TET2: variants seen among roughly 807,000 people sequenced by gnomAD.
TET2 encodes methylcytosine dioxygenase TET2.
In TET2, 299 loss-of-function variants were observed where a neutral mutation model predicts 142.9. The observed-to-expected ratio is 2.09, with a 90% CI of 1.90 to 2.30. The LOEUF is 2.30. Among genes scored for constraint, TET2 ranks in the 30% most tolerant of loss-of-function variants. The probability of loss-of-function intolerance (pLI) is 0.00; values close to 1 mark genes in which losing one functional copy is unlikely to be tolerated. For synonymous variants in TET2, 819 were observed against 849.0 expected (o/e 0.96, Z 0.61); for missense variants, 2,418 against 2,378.0 (o/e 1.02, Z -0.35).
intron 1 of TET2, among the ~76,000 whole-genome samples, chr4:105,158,306 CTA>C (rs1300293082): frequency 6.6e-6 from 1 of 151,836 alleles, no homozygotes; most frequent in Non-Finnish European, 1.5e-5. Context: ...TTTTGGGAAA[CTA>C]TATTTAGGGG....
rs896036304 is a variant in TET2 at position 105,237,828 on chromosome 4, C to T, written c.3409+477C>T. ...TAATAGGGAAATTATTATCTTCAGT[C>T]TTCATGAGTTGGGGGAAATGATAAT... On this transcript the variant is annotated intron_variant, in intron 3 of 10. Coordinates refer to ENST00000380013, the MANE Select transcript of TET2 (RefSeq NM_001127208.3). 20 of 1,099,204 alleles carry T rather than the reference C, an allele frequency of 1.8e-5. No homozygotes were observed. The South Asian group carries it at 5.1e-4, about 28-fold the overall frequency. 68.1% of individuals were successfully genotyped at this position (1,099,204 alleles called of 1,614,324 possible). A position where few individuals can be genotyped will look rare whatever the true frequency, so the allele number is the denominator to read the frequency against.
intron 1 of TET2, among the ~76,000 whole-genome samples, chr4:105,184,318 C>T (rs1236345853): frequency 6.6e-6 from 1 of 152,194 alleles, no homozygotes; most frequent in African/African-American, 2.4e-5. Flanking sequence ...CTGTACCTCT[C>T]ATGTTCCAGT....
intron 4 of TET2, chr4:105,241,692 G>A: frequency 2.4e-6 from 3 of 1,273,244 alleles, no homozygotes; most frequent in Non-Finnish European, 3.0e-6. Context: ...ACAGGAATCG[G>A]CCAGCCAGGC....
At chr4:105,268,005 C>T (rs1730771801) in intron 8 of TET2, among the ~76,000 whole-genome samples, 1 of 151,958 alleles carries the variant, frequency 6.6e-6, no homozygotes, top group African/African-American at 2.4e-5. Flanking sequence ...AATACTTGAC[C>T]CCTAAGATAA....
In TET2 at chr4:105,203,711, G is replaced by C. The variant is rs114901590; in HGVS notation, c.-47+13206G>C. Reference sequence around the variant, plus strand: ...TTAACATAGCACAATGCTGCCATACGGTAGGTAATACCAAGACAAATCAGG... The same window carrying C: ...TTAACATAGCACAATGCTGCCATACCGTAGGTAATACCAAGACAAATCAGG... On this transcript the variant is annotated intron_variant, in intron 2 of 10. Coordinates refer to ENST00000380013, the MANE Select transcript of TET2 (RefSeq NM_001127208.3). Among the ~76,000 whole-genome samples, 1,420 of 152,214 alleles carry C rather than the reference G, an allele frequency of 9.3e-3. 13 individuals are homozygous for C. The highest frequency in any genetic ancestry group is 0.017 in the Non-Finnish European group (1,151 of 68,012).
intron 6 of TET2, among the ~76,000 whole-genome samples, chr4:105,244,612 T>G (rs1729494230): frequency 2.3e-5 from 3 of 130,106 alleles, no homozygotes; most frequent in South Asian, 5.1e-4. Flanking sequence ...TTTTTTTTTT[T>G]GAGATGGAGT....
chr4:105,236,083 CA>C lies in TET2; in HGVS notation c.2144del (p.Asn715ThrfsTer36). On this transcript the variant is annotated frameshift_variant, in exon 3 of 11. Transcript: ENST00000380013. LOFTEE classifies it high-confidence loss of function. ...CAGGCTTCAGAGACTGAGCCATTTT[CA>C]AACTCACACCTTTTGCAACATAAGC... is the stretch of plus-strand genomic sequence containing the variant. ...NQQASETEPF[S>X]NSHLLQHKPH... is the part of the protein sequence containing the mutation. 1 of 1,614,156 alleles carries C rather than the reference CA, an allele frequency of 6.2e-7. No homozygotes were observed. Among genetic ancestry groups the C allele is most frequent in the Non-Finnish European group, 8.5e-7 (1 of 1,180,010 alleles).
chr4:105,224,022 A>C (rs1047062136), intron 2 of TET2, among the ~76,000 whole-genome samples: 1 of 152,190 alleles, frequency 6.6e-6, no homozygotes, highest in Non-Finnish European at 1.5e-5. Flanking sequence ...TTATGGAAAA[A>C]AATAATTTAC....
intron 8 of TET2, among the ~76,000 whole-genome samples, chr4:105,263,564 T>C (rs73838067): frequency 2.0e-5 from 3 of 152,238 alleles, no homozygotes; most frequent in Admixed American, 1.3e-4. Flanking sequence ...TGGTAAGAAA[T>C]AGTAAGTTTT....
intron 2 of TET2, among the ~76,000 whole-genome samples, chr4:105,216,401 T>C (rs1006746824): frequency 1.3e-5 from 2 of 151,998 alleles, no homozygotes; most frequent in Admixed American, 6.6e-5. Context: ...TGAAATGCTC[T>C]TTTTCTTCAT....
At chr4:105,263,625 A>ATT (rs1372897079) in intron 8 of TET2, among the ~76,000 whole-genome samples, 1 of 152,180 alleles carries the variant, frequency 6.6e-6, no homozygotes, top group African/African-American at 2.4e-5. Context: ...TTCTAGGTTA[A>ATT]TTAGATGGAG....
At chr4:105,167,160 T>G (rs1185743532) in intron 1 of TET2, among the ~76,000 whole-genome samples, 2 of 152,116 alleles carry the variant, frequency 1.3e-5, no homozygotes, top group Non-Finnish European at 2.9e-5. Flanking sequence ...TTTTCTCAAC[T>G]TTTGATATTT....
chr4:105,155,839 T>C (rs950650835), intron 1 of TET2, among the ~76,000 whole-genome samples: 1 of 152,224 alleles, frequency 6.6e-6, no homozygotes, highest in South Asian at 2.1e-4. Context: ...TGAGTAACTA[T>C]AGAATTTTAC....
chr4:105,248,241 TTGA>T (rs754126726), intron 6 of TET2, among the ~76,000 whole-genome samples: 2 of 152,202 alleles, frequency 1.3e-5, no homozygotes, highest in Non-Finnish European at 2.9e-5. Context: ...TTCACATCAA[TTGA>T]TGATCATTGC....
At chr4:105,211,715 C>G (rs1376471652) in intron 2 of TET2, among the ~76,000 whole-genome samples, 1 of 152,118 alleles carries the variant, frequency 6.6e-6, no homozygotes. Flanking sequence ...TAGGGAAATT[C>G]TGTATGAAGG....
intron 7 of TET2, among the ~76,000 whole-genome samples, chr4:105,261,203 G>A (rs997929404): frequency 6.6e-6 from 1 of 151,938 alleles, no homozygotes; most frequent in Admixed American, 6.6e-5. Flanking sequence ...AGGGCAGGTG[G>A]GGGTGTAACT....
In TET2 at chr4:105,236,713, A is replaced by G. The variant is rs34485921; in HGVS notation, c.2771A>G (p.His924Arg). 2,108 of 1,614,148 alleles carry G rather than the reference A, an allele frequency of 1.3e-3. 34 individuals carry two copies. In the African/African-American group the frequency reaches 0.025, roughly 19 times the overall value. Residue 924 changes from histidine to arginine, a missense_variant, in exon 3 of 11, where the codon CAT (histidine) becomes CGT (arginine). Transcript: ENST00000380013. ...CAGCAAAGGTACTTGATACATAACC[A>G]TGCAAATGTTTTTCCTGTGCCTGAC... is the stretch of plus-strand genomic sequence containing the variant. ...LAQQRYLIHN[H>R]ANVFPVPDQG...
intron 2 of TET2, among the ~76,000 whole-genome samples, chr4:105,193,884 C>G (rs1418512313): frequency 3.9e-5 from 6 of 152,094 alleles, no homozygotes; most frequent in Admixed American, 1.3e-4. Context: ...CCGTGTAATA[C>G]TAACATAGTA....
At chr4:105,262,920 G>A (rs1475384978) in intron 8 of TET2, among the ~76,000 whole-genome samples, 2 of 151,716 alleles carry the variant, frequency 1.3e-5, no homozygotes, top group Non-Finnish European at 2.9e-5. Flanking sequence ...GGGTGCGGTA[G>A]TTTATGCCTG....
Sources: allele counts gnomAD v4.1 joint callset (sites outside exome capture counted in the v4.1 genomes callset), GRCh38; gene constraint gnomAD v4.1.1; transcripts MANE v1.5; gene names NCBI Gene and HGNC (gene_info 2026-07-23, HGNC 2026-07-21).